CNNM1: variants seen among roughly 807,000 people sequenced by gnomAD.
CNNM1 encodes metal transporter CNNM1.
A neutral mutation model predicts 78.8 loss-of-function variants in CNNM1; 44 were observed. The observed-to-expected ratio is 0.56, with a 90% CI of 0.44 to 0.72. The LOEUF (loss-of-function observed/expected upper bound fraction) is 0.72. CNNM1 is among the 30% of genes least tolerant of loss of function. The pLI is 0.00. For missense variants in CNNM1, 1,101 were observed against 1,292.2 expected, an observed-to-expected ratio of 0.85 and a Z score of 2.27; for synonymous variants, 584 against 581.5, an observed-to-expected ratio of 1.00 and a Z score of -0.06.
At chr10:99,343,038 T>G (rs2030524494) in intron 1 of CNNM1, among the ~76,000 whole-genome samples, 2 of 152,060 alleles carry the variant, frequency 1.3e-5, no homozygotes, top group Non-Finnish European at 2.9e-5. Context: ...CAATCTCGGC[T>G]CACTGCAACC....
At chr10:99,339,062 A>G (rs1440085971) in intron 1 of CNNM1, among the ~76,000 whole-genome samples, 1 of 152,234 alleles carries the variant, frequency 6.6e-6, no homozygotes, top group Non-Finnish European at 1.5e-5. Context: ...AAAGCTTCTG[A>G]GTAATACAGC....
intron 1 of CNNM1, among the ~76,000 whole-genome samples, chr10:99,333,644 C>T (rs2030033097): frequency 6.6e-6 from 1 of 152,114 alleles, no homozygotes; most frequent in South Asian, 2.1e-4. Context: ...TGCACTTGGC[C>T]TCATTTAGTA....
Position 99,329,765 on chromosome 10 carries a change from C to T in CNNM1, c.378C>T (p.Arg126=). Residue 126 remains arginine, a synonymous_variant, in exon 1 of 11, where the codon CGC becomes CGT. Transcript: ENST00000356713. ...GGVAPSAVPT[R]PPGPQRCREQ... ...TGGCCCCCAGCGCGGTCCCCACTCG[C>T]CCCCCGGGACCGCAGCGCTGCAGGG... 2 of 1,493,384 alleles carry T rather than the reference C, an allele frequency of 1.3e-6. No homozygotes were observed. Among genetic ancestry groups the T allele is most frequent in the Non-Finnish European group, 8.9e-7 (1 of 1,129,638 alleles). The allele number at this position is 1,493,384 out of a possible 1,614,324, so 92.5% of individuals were successfully genotyped here.
chr10:99,329,948 C>T lies in CNNM1; in HGVS notation c.561C>T (p.Cys187=), dbSNP rs768361565. 2.2e-6 allele frequency: 3 copies of T among 1,386,530 alleles called. No homozygotes were observed. Among genetic ancestry groups the T allele is most frequent in the Non-Finnish European group, 2.8e-6 (3 of 1,081,068 alleles). The allele number at this position is 1,386,530 out of a possible 1,614,324, so 85.9% of individuals were successfully genotyped here. The change falls in exon 1 of 11, where the codon TGC becomes TGT. Residue 187 remains cysteine (C), a synonymous_variant. Transcript: ENST00000356713. Reference sequence around the variant, plus strand: ...GTGGCGGGAAGCTCTTTTCACTCTGCGCCTGGGATGGGCGCGCGTGGCACC... The same window carrying T: ...GTGGCGGGAAGCTCTTTTCACTCTGTGCCTGGGATGGGCGCGCGTGGCACC... ...AGGGGKLFSL[C]AWDGRAWHHH...
At chr10:99,356,560 G>GAAAGAAAGAAAGAAAGAAAAGA (rs1183548061) in intron 1 of CNNM1, among the ~76,000 whole-genome samples, 3 of 86,770 alleles carry the variant, frequency 3.5e-5, no homozygotes, top group South Asian at 4.0e-4. Flanking sequence ...CAGACAGACA[G>GAAAGAAAGAAAGAAAGAAAAGA]ACAGAAAGAA....
At chr10:99,383,859 T>G (rs527790633) in intron 7 of CNNM1, among the ~76,000 whole-genome samples, 1 of 152,184 alleles carries the variant, frequency 6.6e-6, no homozygotes, top group African/African-American at 2.4e-5. Context: ...CCAGTAGCCA[T>G]GTATAAATAC....
Position 99,364,954 on chromosome 10 carries a change from G to T in CNNM1, c.2129-1G>T. ...AACCCACTGCATGCTTCTGTCCTTA[G>T]ATAATGACGTGCGGAAGGTTGGAAG... On this transcript the variant is annotated splice_acceptor_variant, in intron 5 of 10. Transcript: ENST00000356713. LOFTEE classifies it high-confidence loss of function. The T allele has an allele frequency of 6.2e-7, 1 of 1,613,852 alleles. No individual in the cohort carries two copies. Among genetic ancestry groups the T allele is most frequent in the Non-Finnish European group, 8.5e-7 (1 of 1,179,852 alleles).
intron 7 of CNNM1, among the ~76,000 whole-genome samples, chr10:99,378,913 C>T (rs144009017): frequency 1.2e-3 from 178 of 152,276 alleles, no homozygotes; most frequent in African/African-American, 4.2e-3. Flanking sequence ...ACGAGCTGAC[C>T]GAGCAATGCT....
At chr10:99,366,061 A>T (rs911401258) in intron 6 of CNNM1, among the ~76,000 whole-genome samples, 3 of 152,246 alleles carry the variant, frequency 2.0e-5, no homozygotes, top group African/African-American at 7.2e-5. Context: ...GAAATAGTGG[A>T]ACAATTTACA....
At chr10:99,365,236 G>C (rs1183986069) in intron 6 of CNNM1, 7 of 614,248 alleles carry the variant, frequency 1.1e-5, no homozygotes, top group Non-Finnish European at 2.1e-5. Context: ...ACATGGTTGG[G>C]GGGATGCAGG....
At chr10:99,385,030 A>G (rs2032268050) in intron 7 of CNNM1, among the ~76,000 whole-genome samples, 2 of 151,562 alleles carry the variant, frequency 1.3e-5, no homozygotes, top group Admixed American at 1.3e-4. Context: ...CAGCCTGGGC[A>G]AGACAGAGCG....
intron 6 of CNNM1, among the ~76,000 whole-genome samples, chr10:99,373,454 G>A (rs1207732125): frequency 6.6e-6 from 1 of 152,170 alleles, no homozygotes; most frequent in Non-Finnish European, 1.5e-5. Context: ...TCTCTGCCCC[G>A]CTTTTCTGCA....
chr10:99,338,487 C>T (rs1016714922), intron 1 of CNNM1, among the ~76,000 whole-genome samples: 17 of 152,096 alleles, frequency 1.1e-4, no homozygotes, highest in Admixed American at 5.9e-4. Context: ...CCGTGTTGCC[C>T]GGGGTGGTCT....
chr10:99,352,459 A>C (rs1282643859), intron 1 of CNNM1, among the ~76,000 whole-genome samples: 1 of 152,204 alleles, frequency 6.6e-6, no homozygotes, highest in Non-Finnish European at 1.5e-5. Context: ...TTGAGGAACC[A>C]CCAGACTATT....
At chr10:99,356,797 G>A (rs2031234074) in intron 1 of CNNM1, among the ~76,000 whole-genome samples, 1 of 152,124 alleles carries the variant, frequency 6.6e-6, no homozygotes, top group Non-Finnish European at 1.5e-5. Flanking sequence ...GCTGGGACTG[G>A]CACCTAAGCA....
At position 99,330,964 on chromosome 10, in the gene CNNM1, A is replaced by C. The variant is rs1413324015; in HGVS notation, c.1573+4A>C. 2 of 1,604,246 alleles carry C rather than the reference A, an allele frequency of 1.2e-6. No individual in the cohort carries two copies. The highest frequency in any genetic ancestry group is 1.7e-6 in the Non-Finnish European group (2 of 1,175,706). On this transcript the variant is annotated splice_donor_region_variant and intron_variant, in intron 1 of 10. Transcript: ENST00000356713. The stretch of plus-strand genomic sequence containing the variant: ...GTTCTGGAGGAGTTTAAGAAGGGTG[A>C]GCAGTAGTCTATCTTCTCCCCCAAC...
intron 6 of CNNM1, chr10:99,368,813 G>T: frequency 2.1e-6 from 1 of 479,410 alleles, no homozygotes; most frequent in South Asian, 1.8e-5. Context: ...ATAGCACTTT[G>T]CACAAATAGC....
intron 1 of CNNM1, among the ~76,000 whole-genome samples, chr10:99,350,497 G>T (rs1017365984): frequency 4.6e-5 from 7 of 152,164 alleles, no homozygotes; most frequent in African/African-American, 1.7e-4. Flanking sequence ...GTCCTTGAGA[G>T]CTCTTATCTA....
intron 1 of CNNM1, among the ~76,000 whole-genome samples, chr10:99,351,605 C>A (rs1313165347): frequency 2.0e-5 from 3 of 152,116 alleles, no homozygotes; most frequent in Non-Finnish European, 4.4e-5. Flanking sequence ...GCCAACAGCT[C>A]TTTGTTCTCA....
Sources: gnomAD v4.1 joint callset for allele counts (sites outside exome capture counted in the v4.1 genomes callset) on GRCh38, gnomAD v4.1.1 for gene constraint, MANE v1.5 for transcripts, NCBI Gene and HGNC (gene_info 2026-07-23, HGNC 2026-07-21) for gene names.